Variants in WWP2 observed in about 807,000 individuals in gnomAD.
WWP2 encodes the protein WW domain containing E3 ubiquitin protein ligase 2.
WWP2 carries 57 observed loss-of-function variants against 121.0 expected under a neutral mutation model. The ratio of observed to expected loss-of-function variants is 0.47; its 90% CI spans 0.38 to 0.59. The LOEUF is 0.59. WWP2 is among the 20% of genes least tolerant of loss of function. WWP2 has a pLI of 0.00. For synonymous variants in WWP2, 449 were observed against 441.3 expected, an observed-to-expected ratio of 1.02 and a Z score of -0.22; for missense variants, 962 against 1,158.9, an observed-to-expected ratio of 0.83 and a Z score of 2.47.
In WWP2 at chr16:69,929,799, G is replaced by A. The variant is rs1374279987; in HGVS notation, c.1316+270G>A. On this transcript the variant is annotated intron_variant, in intron 12 of 23. Transcript: ENST00000359154. Reference sequence around the variant, plus strand: ...CTCCATACTGATTGTGCTGGCTGCTGATAATTGGATTGCAAAAAGGTTGAG... The same window carrying A: ...CTCCATACTGATTGTGCTGGCTGCTAATAATTGGATTGCAAAAAGGTTGAG... Among the ~76,000 whole-genome samples the A allele has an allele frequency of 3.3e-5, 5 of 152,220 alleles. No individual in the cohort carries two copies. The East Asian group carries it at 9.6e-4, about 29-fold the overall frequency.
At chr16:69,830,251 G>A (rs180825051) in intron 4 of WWP2, among the ~76,000 whole-genome samples, 3 of 152,006 alleles carry the variant, frequency 2.0e-5, no homozygotes, top group Non-Finnish European at 2.9e-5. Flanking sequence ...CACCATGCCC[G>A]GCCTAGTTTT....
chr16:69,921,734 T>C (rs1422459066), intron 10 of WWP2, among the ~76,000 whole-genome samples: 2 of 152,156 alleles, frequency 1.3e-5, no homozygotes, highest in African/African-American at 4.8e-5. Flanking sequence ...GACGGGACTA[T>C]CACACGGCCG....
At chr16:69,879,148 T>C (rs576143001) in intron 7 of WWP2, among the ~76,000 whole-genome samples, 2 of 152,306 alleles carry the variant, frequency 1.3e-5, no homozygotes, top group Non-Finnish European at 2.9e-5. Flanking sequence ...GATTTAGAAG[T>C]TTATTTTAGA....
chr16:69,938,086 G>T (rs1032657080), intron 21 of WWP2, among the ~76,000 whole-genome samples: 1 of 152,142 alleles, frequency 6.6e-6, no homozygotes, highest in Non-Finnish European at 1.5e-5. Flanking sequence ...AAAAAATAGC[G>T]ATTACAGGTA....
chr16:69,796,903 G>A (rs1389834161), intron 2 of WWP2, among the ~76,000 whole-genome samples: 1 of 152,212 alleles, frequency 6.6e-6, no homozygotes, highest in East Asian at 1.9e-4. Flanking sequence ...ATCTGAAGGT[G>A]AATTTGGCCT....
intron 1 of WWP2, 148 bp downstream of exon 1, chr16:69,762,539 G>C (rs1294501401): frequency 6.6e-6 from 1 of 150,978 alleles, no homozygotes; most frequent in Non-Finnish European, 1.5e-5. Context: ...TGGCGCGGCG[G>C]TTCCGGCCTC....
At chr16:69,801,928 A>T (rs1189509413) in intron 4 of WWP2, among the ~76,000 whole-genome samples, 4 of 151,196 alleles carry the variant, frequency 2.6e-5, no homozygotes, top group African/African-American at 9.7e-5. Context: ...ATTTATTTTT[A>T]TTTATTTATT....
intron 1 of WWP2, among the ~76,000 whole-genome samples, chr16:69,766,514 C>T (rs890516313): frequency 1.4e-4 from 22 of 152,094 alleles, no homozygotes; most frequent in Admixed American, 2.6e-4. Flanking sequence ...ATGACCTGAT[C>T]TCTCCTCCCA....
chr16:69,773,665 A>G (rs2055465930), intron 1 of WWP2, among the ~76,000 whole-genome samples: 1 of 151,812 alleles, frequency 6.6e-6, no homozygotes, highest in South Asian at 2.1e-4. Flanking sequence ...TATTTTTTGT[A>G]GAAATGGGGT....
At chr16:69,768,704 G>A (rs1471741554) in intron 1 of WWP2, among the ~76,000 whole-genome samples, 4 of 152,166 alleles carry the variant, frequency 2.6e-5, no homozygotes, top group Middle Eastern at 6.3e-3. Context: ...CATGCCTTTT[G>A]CTTCTTGTTT....
At chr16:69,803,857 G>C (rs2056222853) in intron 4 of WWP2, among the ~76,000 whole-genome samples, 1 of 152,156 alleles carries the variant, frequency 6.6e-6, no homozygotes, top group South Asian at 2.1e-4. Context: ...GCAGTGAGCT[G>C]AGATTGTGCC....
Position 69,931,818 on chromosome 16 carries a change from C to T in WWP2, c.1610C>T (p.Pro537Leu), listed in dbSNP as rs2058719432. Reference sequence around the variant, plus strand: ...TCTTCCCAGATCATGAACATGAAACCCTATGACCTGCGCCGCCGGCTCTAC... The same window carrying T: ...TCTTCCCAGATCATGAACATGAAACTCTATGACCTGCGCCGCCGGCTCTAC... ...DSFQQIMNMK[P>L]YDLRRRLYII... The change falls in exon 16 of 24, where the codon CCC (proline) becomes CTC (leucine). Residue 537 changes from proline to leucine, a missense_variant. Pro to Leu is a moderately conservative substitution (Grantham distance 98). This residue lies in a region of WWP2 where 606 missense variants were observed against 772.6 expected (regional missense o/e 0.78). Coordinates refer to ENST00000359154, the MANE Select transcript of WWP2 (RefSeq NM_001270454.2). 6.2e-7 allele frequency: 1 copy of T among 1,613,654 alleles called. No homozygotes were observed. The highest frequency in any genetic ancestry group is 1.3e-5 in the African/African-American group (1 of 74,910).
At chr16:69,840,398 G>A (rs940357039) in intron 5 of WWP2, 135 bp downstream of exon 5, 10 of 1,187,802 alleles carry the variant, frequency 8.4e-6, no homozygotes, top group African/African-American at 3.0e-5. Flanking sequence ...TAGCTAGCCC[G>A]GACTCTTCTT....
intron 4 of WWP2, among the ~76,000 whole-genome samples, chr16:69,826,445 G>A (rs1336204312): frequency 4.6e-5 from 7 of 151,756 alleles, no homozygotes; most frequent in African/African-American, 1.7e-4. Context: ...GATGGTGGGT[G>A]CTTGTAGTCC....
At chr16:69,931,427 G>C in intron 14 of WWP2, 82 bp from the exon 15 acceptor site, 1 of 1,574,074 alleles carries the variant, frequency 6.4e-7, no homozygotes, top group Non-Finnish European at 8.7e-7. Context: ...CCAGCAGGCT[G>C]GGGAATGCCT....
At position 69,882,109 on chromosome 16, in the gene WWP2, C is replaced by T. The variant is rs964820493; in HGVS notation, c.704-5930C>T. Reference sequence around the variant, plus strand: ...TACTGGGATTACAGGCATGAGCCACCGCGCCCAGCCTAAGTTTTGTATTTT... The same window carrying T: ...TACTGGGATTACAGGCATGAGCCACTGCGCCCAGCCTAAGTTTTGTATTTT... On this transcript the variant is annotated intron_variant, in intron 7 of 23. Transcript: ENST00000359154. Among the ~76,000 whole-genome samples, 40 of 152,078 alleles carry T rather than the reference C, an allele frequency of 2.6e-4. No individual in the cohort carries two copies. In the East Asian group the frequency reaches 5.0e-3, roughly 19 times the overall value.
At chr16:69,817,087 A>G (rs577889754) in intron 4 of WWP2, among the ~76,000 whole-genome samples, 1 of 152,344 alleles carries the variant, frequency 6.6e-6, no homozygotes, top group Non-Finnish European at 1.5e-5. Context: ...TTTGTAATAT[A>G]GCCACTGTTT....
chr16:69,817,060 C>T (rs891565252), intron 4 of WWP2, among the ~76,000 whole-genome samples: 3 of 152,180 alleles, frequency 2.0e-5, no homozygotes, highest in Non-Finnish European at 2.9e-5. Flanking sequence ...GTTATTCAGA[C>T]CTAATCCAGT....
chr16:69,767,735 G>A (rs1351135157), intron 1 of WWP2, among the ~76,000 whole-genome samples: 1 of 152,166 alleles, frequency 6.6e-6, no homozygotes, highest in Admixed American at 6.6e-5. Flanking sequence ...TTCTCAGAAC[G>A]ACTGTCCATG....
Sources: gnomAD v4.1 joint callset for allele counts (sites outside exome capture counted in the v4.1 genomes callset) on GRCh38, gnomAD v4.1.1 for gene constraint, gnomAD v4.1.1 regional missense constraint, MANE v1.5 for transcripts, NCBI Gene and HGNC (gene_info 2026-07-23, HGNC 2026-07-21) for gene names.